The following LRRC37A2 variants were observed in gnomAD, a reference collection of about 807,000 sequenced individuals.
The protein encoded by LRRC37A2 is leucine rich repeat containing 37 member A2.
Under a neutral mutation model 68.8 loss-of-function variants are expected in LRRC37A2, and 9 were observed. That is an observed-to-expected ratio of 0.13 (90% CI 0.08 to 0.23). The LOEUF is 0.23. LRRC37A2 is among the 10% of genes least tolerant of loss of function. LRRC37A2 has a pLI of 1.00. For synonymous variants in LRRC37A2, 63 were observed against 367.6 expected, an observed-to-expected ratio of 0.17 and a Z score of 9.48; for missense variants, 168 against 950.4, an observed-to-expected ratio of 0.18 and a Z score of 10.82.
In LRRC37A2 at chr17:46,543,094, TCTG is replaced by T. The variant is rs1445564337; in HGVS notation, c.3053+2216_3053+2218del. Among the ~76,000 whole-genome samples, 9 of 150,038 alleles carry T rather than the reference TCTG, an allele frequency of 6.0e-5. 1 individual carries two copies. Among genetic ancestry groups the T allele is most frequent in the African/African-American group, 2.3e-4 (9 of 39,476 alleles). On this transcript the variant is annotated intron_variant, in intron 8 of 14. Coordinates refer to ENST00000576629, the Ensembl canonical transcript of LRRC37A2. ...AGTTCTCTAAGATAGTGAGGATCTGTCTGCTTTTTTCTTGACCATTATTGGATA... is the reference window on the plus strand; with the variant it reads ...AGTTCTCTAAGATAGTGAGGATCTGTCTTTTTTCTTGACCATTATTGGATA...
chr17:46,810,487 G>A, the LRRC37A2 span, among the ~76,000 whole-genome samples: 1 of 152,188 alleles, frequency 6.6e-6, no homozygotes. Flanking sequence ...TGGTCACGGG[G>A]CATGCCCACA....
chr17:46,748,120 T>C, the LRRC37A2 span, among the ~76,000 whole-genome samples: 1 of 152,170 alleles, frequency 6.6e-6, no homozygotes, highest in South Asian at 2.1e-4. Flanking sequence ...TTTATTTATT[T>C]TTTTGAGATG....
chr17:47,011,551 C>CAA, the LRRC37A2 span, among the ~76,000 whole-genome samples: 6 of 96,472 alleles, frequency 6.2e-5, no homozygotes, highest in African/African-American at 1.9e-4. Flanking sequence ...GACTCTGTTT[C>CAA]AAAAAAAAAA....
the LRRC37A2 span, among the ~76,000 whole-genome samples, chr17:47,004,409 A>G: frequency 6.6e-6 from 1 of 152,244 alleles, no homozygotes; most frequent in Admixed American, 6.5e-5. Context: ...CACTTCCCAC[A>G]GCACAGACAT....
At chr17:46,805,870 G>GTGGTC in the LRRC37A2 span, among the ~76,000 whole-genome samples, 2 of 152,234 alleles carry the variant, frequency 1.3e-5, no homozygotes, top group African/African-American at 4.8e-5. Flanking sequence ...GTGGTGTGGT[G>GTGGTC]TGGTGTCACT....
the LRRC37A2 span, among the ~76,000 whole-genome samples, chr17:47,028,996 T>C: frequency 2.0e-5 from 3 of 151,708 alleles, no homozygotes; most frequent in Non-Finnish European, 4.4e-5. Context: ...CTGGCCAACA[T>C]GGCGAAACCT....
the LRRC37A2 span, chr17:46,773,536 A>C: frequency 1.6e-5 from 17 of 1,072,876 alleles, no homozygotes; most frequent in African/African-American, 3.2e-5. Context: ...GCAGTCATGC[A>C]ACCAAATTTA....
chr17:46,917,926 GA>G, the LRRC37A2 span, among the ~76,000 whole-genome samples: 2 of 152,216 alleles, frequency 1.3e-5, no homozygotes, highest in Non-Finnish European at 2.9e-5. Context: ...GACCCAGACA[GA>G]AAGCGATGGT....
chr17:46,932,006 C>G, the LRRC37A2 span: 2 of 1,497,116 alleles, frequency 1.3e-6, no homozygotes. Context: ...CAAAGCCTGG[C>G]CCCCTCAGAT....
At chr17:46,438,323 A>G in the LRRC37A2 span, among the ~76,000 whole-genome samples, 1 of 76,128 alleles carries the variant, frequency 1.3e-5, no homozygotes, top group African/African-American at 3.8e-5. Context: ...TTTTCATGTT[A>G]TCTAGAAATG....
At chr17:46,837,987 C>T in the LRRC37A2 span, among the ~76,000 whole-genome samples, 1 of 152,116 alleles carries the variant, frequency 6.6e-6, no homozygotes, top group Non-Finnish European at 1.5e-5. Flanking sequence ...TGTACATCAC[C>T]GTCTTTCTCC....
At chr17:46,839,089 G>C in the LRRC37A2 span, among the ~76,000 whole-genome samples, 1 of 152,108 alleles carries the variant, frequency 6.6e-6, no homozygotes, top group Non-Finnish European at 1.5e-5. Context: ...TGTTGGCCAA[G>C]CTGGTCTCGA....
At chr17:46,873,065 C>T in the LRRC37A2 span, among the ~76,000 whole-genome samples, 18 of 149,858 alleles carry the variant, frequency 1.2e-4, no homozygotes, top group Non-Finnish European at 2.1e-4. Flanking sequence ...TGGGGTCCCC[C>T]AGTTGTCTCC....
chr17:46,911,355 G>C, the LRRC37A2 span: 1 of 152,186 alleles, frequency 6.6e-6, no homozygotes, highest in Non-Finnish European at 1.5e-5. Flanking sequence ...ACCAAAGAAG[G>C]CTCCCCAGAG....
At chr17:46,870,178 A>G in the LRRC37A2 span, among the ~76,000 whole-genome samples, 4 of 152,140 alleles carry the variant, frequency 2.6e-5, no homozygotes, top group African/African-American at 9.7e-5. Context: ...ATCAGTTGCT[A>G]TCAGGGAGGT....
the LRRC37A2 span, among the ~76,000 whole-genome samples, chr17:46,767,505 G>A: frequency 2.6e-5 from 4 of 152,094 alleles, no homozygotes; most frequent in African/African-American, 4.8e-5. Context: ...ATTTTGGCTC[G>A]CTGCTTGAGG....
chr17:47,022,168 C>CTT, the LRRC37A2 span, among the ~76,000 whole-genome samples: 1,894 of 19,716 alleles, frequency 0.096, 580 homozygotes, highest in Middle Eastern at 0.31. Flanking sequence ...TTTTTGTTCT[C>CTT]TTTTTTTTTT....
the LRRC37A2 span, among the ~76,000 whole-genome samples, chr17:46,890,097 C>G: frequency 1.3e-5 from 2 of 152,240 alleles, no homozygotes; most frequent in Non-Finnish European, 2.9e-5. Context: ...ATTCTTGGGT[C>G]TGCTCTATGT....
the LRRC37A2 span, among the ~76,000 whole-genome samples, chr17:46,678,919 C>G: frequency 2.1e-5 from 3 of 143,464 alleles, no homozygotes; most frequent in Admixed American, 1.4e-4. Flanking sequence ...GATGAATGAT[C>G]ATAGAAATAT....
Sources: allele counts gnomAD v4.1 joint callset (sites outside exome capture counted in the v4.1 genomes callset), GRCh38; gene constraint gnomAD v4.1.1; transcripts MANE v1.5; gene names NCBI Gene and HGNC (gene_info 2026-07-23, HGNC 2026-07-21).